Variants in RBFOX1 observed in about 807,000 individuals in gnomAD.
RBFOX1 encodes RNA binding protein fox-1 homolog 1.
RBFOX1 carries 8 observed loss-of-function variants against 57.7 expected under a neutral mutation model. The ratio of observed to expected loss-of-function variants is 0.14; its 90% CI spans 0.08 to 0.25. The LOEUF (loss-of-function observed/expected upper bound fraction) is 0.25, where lower values mean the gene tolerates loss of function less well. Ranked by LOEUF, RBFOX1 falls within the 10% of genes least tolerant of loss-of-function variation. The pLI, the probability that RBFOX1 is intolerant of heterozygous loss-of-function variation, is 1.00. For synonymous variants in RBFOX1, 326 were observed against 222.4 expected (o/e 1.47, Z -4.15); for missense variants, 611 against 548.5 (o/e 1.11, Z -1.14).
intron 4 of RBFOX1, among the ~76,000 whole-genome samples, chr16:5,990,519 G>C (rs1184684201): frequency 1.3e-5 from 2 of 152,140 alleles, no homozygotes; most frequent in Non-Finnish European, 2.9e-5. Context: ...GCCCTCCCAA[G>C]GGATTTCTGC....
chr16:5,360,678 T>G (rs151018947), intron 1 of RBFOX1, among the ~76,000 whole-genome samples: 147 of 152,274 alleles, frequency 9.7e-4, no homozygotes, highest in Admixed American at 4.9e-3. Flanking sequence ...AGAAGAGGGC[T>G]TATTGTAAGG....
At chr16:5,979,734 C>T (rs915695323) in intron 4 of RBFOX1, among the ~76,000 whole-genome samples, 38 of 152,126 alleles carry the variant, frequency 2.5e-4, no homozygotes, top group African/African-American at 9.2e-4. Context: ...TGGTGGTGTG[C>T]ACCTGTAGTC....
intron 3 of RBFOX1, among the ~76,000 whole-genome samples, chr16:6,961,712 C>A (rs530091104): frequency 6.6e-6 from 1 of 152,200 alleles, no homozygotes; most frequent in African/African-American, 2.4e-5. Context: ...TCCTTCCTCA[C>A]CTTTAGACCA....
At chr16:7,378,428 G>A (rs995264247) in intron 4 of RBFOX1, among the ~76,000 whole-genome samples, 1 of 152,140 alleles carries the variant, frequency 6.6e-6, no homozygotes, top group African/African-American at 2.4e-5. Context: ...AACACTGTTA[G>A]CGGAATCCAT....
Position 5,789,753 on chromosome 16 carries a change from C to G in RBFOX1, c.319-77550C>G, listed in dbSNP as rs189475757. 5.4e-4 allele frequency among the ~76,000 whole-genome samples: 82 copies of G among 152,290 alleles called. 1 individual carries two copies. Among genetic ancestry groups the G allele is most frequent in the South Asian group, 3.3e-3 (16 of 4,830 alleles). ...AATCTGCCATAAGTTCCCAGGCTCA[C>G]AAGTGTCTAAGCCAGTGCTCAAGTC... On this transcript the variant is annotated intron_variant, in intron 3 of 19. Transcript: ENST00000641259.
intron 2 of RBFOX1, among the ~76,000 whole-genome samples, chr16:6,541,959 A>G (rs1359745674): frequency 1.3e-5 from 2 of 148,978 alleles, no homozygotes; most frequent in South Asian, 4.3e-4. Flanking sequence ...TTTTTTTTTA[A>G]TTAAAGAGAT....
intron 2 of RBFOX1, among the ~76,000 whole-genome samples, chr16:5,569,286 T>C (rs1006571007): frequency 6.7e-6 from 1 of 148,674 alleles, no homozygotes; most frequent in African/African-American, 2.5e-5. Flanking sequence ...GCAGAGGGGC[T>C]TTGAAAAAAG....
At chr16:6,272,275 A>T (rs4786092) in intron 1 of RBFOX1, among the ~76,000 whole-genome samples, 104,840 of 151,912 alleles carry the variant, frequency 0.69, 37,425 homozygotes, top group East Asian at 0.95. Flanking sequence ...TGTCAGAAAA[A>T]CAGGAATAAA....
chr16:5,964,031 T>C (rs115680058), intron 4 of RBFOX1, among the ~76,000 whole-genome samples: 405 of 152,310 alleles, frequency 2.7e-3, no homozygotes, highest in African/African-American at 9.3e-3. Flanking sequence ...CTGTGTTTTA[T>C]ATAAAAAGTA....
rs1463925774 is a variant in RBFOX1 at position 6,942,362 on chromosome 16, G to A, written c.-15-109695G>A. Among the ~76,000 whole-genome samples, 7 of 152,144 alleles carry A rather than the reference G, an allele frequency of 4.6e-5. No homozygotes were observed. The East Asian group carries it at 1.2e-3, about 25-fold the overall frequency. ...TTTTGATTTTTTTTTGTGACATTTTGTTGCCCAGGCTGATCTCGAACCCTT... is the reference window on the plus strand; with the variant it reads ...TTTTGATTTTTTTTTGTGACATTTTATTGCCCAGGCTGATCTCGAACCCTT... On this transcript the variant is annotated intron_variant, in intron 3 of 15. Coordinates refer to ENST00000550418, the MANE Select transcript of RBFOX1 (RefSeq NM_018723.4).
intron 3 of RBFOX1, among the ~76,000 whole-genome samples, chr16:6,895,541 C>T (rs1301057760): frequency 2.0e-5 from 3 of 146,728 alleles, no homozygotes; most frequent in Admixed American, 6.9e-5. Flanking sequence ...CTCTACAAGG[C>T]AGCTGCACAT....
chr16:7,648,238 G>C (rs953977110), intron 11 of RBFOX1, among the ~76,000 whole-genome samples: 1 of 151,794 alleles, frequency 6.6e-6, no homozygotes, highest in African/African-American at 2.4e-5. Context: ...TATTTTTTTT[G>C]AGACTGAGTC....
chr16:6,267,751 C>T (rs1377796136), intron 1 of RBFOX1, among the ~76,000 whole-genome samples: 6 of 152,082 alleles, frequency 3.9e-5, no homozygotes, highest in Admixed American at 6.5e-5. Flanking sequence ...GGGTACAAGT[C>T]GCTTAGATTT....
At chr16:6,895,465 T>TAC (rs2066627825) in intron 3 of RBFOX1, among the ~76,000 whole-genome samples, 1 of 99,364 alleles carries the variant, frequency 1.0e-5, no homozygotes, top group African/African-American at 4.0e-5. Flanking sequence ...TATATATATA[T>TAC]ATATATATAT....
chr16:5,823,765 G>A (rs2055939200), intron 3 of RBFOX1, among the ~76,000 whole-genome samples: 1 of 152,152 alleles, frequency 6.6e-6, no homozygotes, highest in African/African-American at 2.4e-5. Flanking sequence ...ATCTGTCACT[G>A]TCTCCCATCA....
At chr16:6,989,689 G>A (rs9930921) in intron 3 of RBFOX1, among the ~76,000 whole-genome samples, 8,909 of 152,114 alleles carry the variant, frequency 0.059, 871 homozygotes, top group African/African-American at 0.2. Context: ...GGTGTTGATG[G>A]AAATGAAGAA....
chr16:6,866,511 A>T (rs1296899830), intron 3 of RBFOX1, among the ~76,000 whole-genome samples: 3 of 149,400 alleles, frequency 2.0e-5, no homozygotes, highest in Non-Finnish European at 4.4e-5. Flanking sequence ...TTTTAAAAAA[A>T]AAAATAAGGT....
At chr16:5,242,083 C>T (rs1034490945) in intron 1 of RBFOX1, among the ~76,000 whole-genome samples, 5 of 152,126 alleles carry the variant, frequency 3.3e-5, no homozygotes, top group East Asian at 1.9e-4. Context: ...CACTGCACTC[C>T]AGTCTAGGTG....
At chr16:6,779,332 T>A (rs914286702) in intron 3 of RBFOX1, among the ~76,000 whole-genome samples, 1 of 152,088 alleles carries the variant, frequency 6.6e-6, no homozygotes, top group African/African-American at 2.4e-5. Flanking sequence ...CTATGCTGTT[T>A]GAAATGACAG....
Sources: gnomAD v4.1 joint callset for allele counts (sites outside exome capture counted in the v4.1 genomes callset) on GRCh38, gnomAD v4.1.1 for gene constraint, MANE v1.5 for transcripts, NCBI Gene and HGNC (gene_info 2026-07-23, HGNC 2026-07-21) for gene names.